Variants in CTNNB1 observed in about 807,000 individuals in gnomAD.
The protein encoded by CTNNB1 is catenin beta 1, also known as catenin beta-1.
CTNNB1 carries 6 observed loss-of-function variants against 82.5 expected under a neutral mutation model. The observed-to-expected ratio is 0.07, with a 90% CI of 0.04 to 0.14. The LOEUF is 0.14. Among genes scored for constraint, CTNNB1 ranks in the 10% least tolerant of loss-of-function variants. CTNNB1 has a pLI of 1.00. For missense variants in CTNNB1, 529 were observed against 980.4 expected, an observed-to-expected ratio of 0.54 and a Z score of 6.15; for synonymous variants, 312 against 329.7, an observed-to-expected ratio of 0.95 and a Z score of 0.58.
At chr3:41,221,854 A>T (rs1171823441) in intron 1 of CTNNB1, 1 of 151,960 alleles carries the variant, frequency 6.6e-6, no homozygotes, top group African/African-American at 2.4e-5. Flanking sequence ...TGGACCTTTG[A>T]TCTCCTGAAT....
intron 1 of CTNNB1, chr3:41,220,997 T>G (rs574567147): frequency 6.6e-6 from 1 of 152,208 alleles, no homozygotes; most frequent in Non-Finnish European, 1.5e-5. Context: ...ACGGTGAATT[T>G]TGAAGTATCC....
intron 1 of CTNNB1, chr3:41,222,110 A>T (rs1452622920): frequency 6.6e-6 from 1 of 152,094 alleles, no homozygotes; most frequent in Non-Finnish European, 1.5e-5. Flanking sequence ...GTGATTGGTA[A>T]GTTTTGGCTA....
intron 1 of CTNNB1, among the ~76,000 whole-genome samples, chr3:41,200,659 G>A (rs922451761): frequency 6.6e-6 from 1 of 152,194 alleles, no homozygotes; most frequent in Non-Finnish European, 1.5e-5. Context: ...CTCCAAAGCT[G>A]GCCAAATGGA....
intron 1 of CTNNB1, among the ~76,000 whole-genome samples, chr3:41,210,182 G>A (rs1325960403): frequency 1.3e-5 from 2 of 151,952 alleles, no homozygotes; most frequent in Non-Finnish European, 2.9e-5. Flanking sequence ...GGCCAGGCGC[G>A]GTGGCTCACG....
At chr3:41,236,172 A>G in intron 11 of CTNNB1, 177 bp from the exon 12 acceptor site, 1 of 848,440 alleles carries the variant, frequency 1.2e-6, no homozygotes. Context: ...AAAAAATATT[A>G]TGGAAATCCA....
At chr3:41,210,416 T>C (rs901050891) in intron 1 of CTNNB1, among the ~76,000 whole-genome samples, 2 of 152,126 alleles carry the variant, frequency 1.3e-5, no homozygotes, top group African/African-American at 4.8e-5. Context: ...ATAGCGCCAC[T>C]GCACTCCAGT....
intron 1 of CTNNB1, among the ~76,000 whole-genome samples, chr3:41,208,658 C>T (rs905458339): frequency 6.6e-6 from 1 of 152,152 alleles, no homozygotes; most frequent in Non-Finnish European, 1.5e-5. Context: ...CTTGTCCCTC[C>T]CTGGCTTCAT....
At chr3:41,208,242 T>C (rs562571780) in intron 1 of CTNNB1, among the ~76,000 whole-genome samples, 1 of 152,338 alleles carries the variant, frequency 6.6e-6, no homozygotes, top group Admixed American at 6.5e-5. Flanking sequence ...GTTTACTGTT[T>C]AGCTTACTTT....
intron 9 of CTNNB1, 89 bp downstream of exon 9, chr3:41,233,956 A>G (rs2078370591): frequency 3.4e-6 from 5 of 1,454,154 alleles, no homozygotes; most frequent in Non-Finnish European, 4.8e-6. Flanking sequence ...CATAGTGATC[A>G]ATAAGTAGGA....
intron 7 of CTNNB1, among the ~76,000 whole-genome samples, chr3:41,228,682 T>C (rs2078234694): frequency 6.6e-6 from 1 of 152,190 alleles, no homozygotes. Flanking sequence ...ATTCTGTAGG[T>C]TGTCTGTTTA....
intron 1 of CTNNB1, chr3:41,200,419 T>G (rs78048770): frequency 6.6e-6 from 1 of 152,174 alleles, no homozygotes; most frequent in African/African-American, 2.4e-5. Context: ...GGGAGTCTTA[T>G]GGATTTATGG....
At chr3:41,226,567 TAGTA>T (rs149376181) in intron 6 of CTNNB1, among the ~76,000 whole-genome samples, 75 of 152,174 alleles carry the variant, frequency 4.9e-4, no homozygotes, top group Non-Finnish European at 6.5e-4. Context: ...GAAATACTAA[TAGTA>T]AGGAGGAAGA....
intron 1 of CTNNB1, among the ~76,000 whole-genome samples, chr3:41,223,281 A>G (rs1170226417): frequency 1.3e-5 from 2 of 152,142 alleles, no homozygotes; most frequent in Non-Finnish European, 2.9e-5. Context: ...TTTTTTCAAT[A>G]TTGCACAATA....
chr3:41,217,791 C>T (rs2077949435), intron 1 of CTNNB1, among the ~76,000 whole-genome samples: 1 of 152,172 alleles, frequency 6.6e-6, no homozygotes. Flanking sequence ...TCATTGCTCA[C>T]TTTATGTTTT....
At chr3:41,238,998 AG>A (rs2078507508) in intron 14 of CTNNB1, 135 bp from the exon 15 acceptor site, 2 of 768,160 alleles carry the variant, frequency 2.6e-6, no homozygotes, top group African/African-American at 3.4e-5. Flanking sequence ...TGAAGAGGCT[AG>A]AAAGCGTTGT....
At chr3:41,212,897 A>G (rs1299679202) in intron 1 of CTNNB1, among the ~76,000 whole-genome samples, 1 of 152,180 alleles carries the variant, frequency 6.6e-6, no homozygotes, top group Non-Finnish European at 1.5e-5. Context: ...CTTTAGTCTA[A>G]CTACTACTTG....
Position 41,229,760 on chromosome 3 carries a change from A to G in CTNNB1, c.1081+2408A>G, listed in dbSNP as rs141915785. Reference sequence around the variant, plus strand: ...AGATGTCGTCTAAGTATGAGAAACAATTTTTTTCTATTCTGAGTATTTTTA... The same window carrying G: ...AGATGTCGTCTAAGTATGAGAAACAGTTTTTTTCTATTCTGAGTATTTTTA... On this transcript the variant is annotated intron_variant, in intron 7 of 14. Transcript: ENST00000349496. Among the ~76,000 whole-genome samples the G allele has an allele frequency of 4.5e-3, 681 of 152,010 alleles. 6 individuals are homozygous for G. The highest frequency in any genetic ancestry group is 0.016 in the African/African-American group (650 of 41,418).
intron 1 of CTNNB1, chr3:41,200,490 T>G (rs560789790): frequency 6.6e-6 from 1 of 152,188 alleles, no homozygotes; most frequent in Non-Finnish European, 1.5e-5. Flanking sequence ...GATGGCTTAC[T>G]GTTTCTTACC....
intron 14 of CTNNB1, 98 bp from the exon 15 acceptor site, chr3:41,239,036 T>G: frequency 2.0e-6 from 2 of 1,015,604 alleles, no homozygotes; most frequent in Non-Finnish European, 3.1e-6. Flanking sequence ...TGCTGAACTT[T>G]GGATGCCCTA....
Sources: allele counts gnomAD v4.1 joint callset (sites outside exome capture counted in the v4.1 genomes callset), GRCh38; gene constraint gnomAD v4.1.1; transcripts MANE v1.5; gene names NCBI Gene and HGNC (gene_info 2026-07-23, HGNC 2026-07-21).